Variants in ITLN2 observed in about 807,000 individuals in gnomAD.
ITLN2 encodes the protein intelectin 2.
Under a neutral mutation model 39.4 loss-of-function variants are expected in ITLN2, and 29 were observed. The ratio of observed to expected loss-of-function variants is 0.74; its 90% confidence interval spans 0.55 to 1.00. ITLN2 has a LOEUF of 1.00. ITLN2 is among the 50% of genes least tolerant of loss of function. The probability of loss-of-function intolerance (pLI) is 0.00; values close to 1 mark genes in which losing one functional copy is unlikely to be tolerated. For missense variants in ITLN2, 412 were observed against 416.7 expected (o/e 0.99, Z 0.10); for synonymous variants, 156 against 153.4 (o/e 1.02, Z -0.12).
chr1:160,951,844 G>A (rs1419518865), intron 3 of ITLN2, among the ~76,000 whole-genome samples: 3 of 152,204 alleles, frequency 2.0e-5, no homozygotes, highest in Non-Finnish European at 4.4e-5. Context: ...ACCTTGTGAG[G>A]AGCTGCAACA....
rs552609716 is a variant in ITLN2, at chr1:160,948,162, G to A, written c.722-130C>T. The stretch of plus-strand genomic sequence containing the variant: ...CAGCCAAACACCCCAGGCTGTAGGG[G>A]TGCAGCCCAGTACCTTTATGGCCAG... On this transcript the variant is annotated intron_variant, in intron 6 of 7. Coordinates refer to ENST00000368029, the MANE Select transcript of ITLN2 (RefSeq NM_080878.3). The A allele has an allele frequency of 3.5e-4, 236 of 674,204 alleles. 2 individuals carry two copies. The South Asian group carries it at 4.0e-3, about 11-fold the overall frequency. The allele number at this position is 674,204 out of a possible 1,614,324, so 41.8% of individuals were successfully genotyped here. A position where few individuals can be genotyped will look rare whatever the true frequency, so the allele number is the denominator to read the frequency against.
chr1:160,951,837 T>C, intron 3 of ITLN2, among the ~76,000 whole-genome samples: 1 of 152,212 alleles, frequency 6.6e-6, no homozygotes, highest in East Asian at 1.9e-4. Context: ...GATGGGAACC[T>C]TGTGAGGAGC....
At chr1:160,948,473 G>T (rs1223140671) in intron 6 of ITLN2, among the ~76,000 whole-genome samples, 2 of 152,116 alleles carry the variant, frequency 1.3e-5, no homozygotes, top group Non-Finnish European at 2.9e-5. Context: ...GGCAAACAGT[G>T]ATGTCTTTGA....
chr1:160,952,961 C>T lies in ITLN2; in HGVS notation c.80-228G>A, dbSNP rs4596920. 0.26 allele frequency among the ~76,000 whole-genome samples: 40,232 copies of T among 152,090 alleles called. 6,371 individuals carry two copies. Among genetic ancestry groups the T allele is most frequent in the East Asian group, 0.37 (1,921 of 5,164 alleles). ...CCTACTGTGTGAACTACCTAGACAC[C>T]GGACAAAGACAATTTGACACATTTC... On this transcript the variant is annotated intron_variant, in intron 2 of 7. Coordinates refer to ENST00000368029, the MANE Select transcript of ITLN2 (RefSeq NM_080878.3).
At chr1:160,950,792 G>A (rs945613835) in intron 4 of ITLN2, 81 bp from the exon 5 acceptor site, 3 of 1,550,400 alleles carry the variant, frequency 1.9e-6, no homozygotes, top group Non-Finnish European at 8.7e-7. Context: ...CCTCAGCTGG[G>A]CTGAGAGCTC....
At chr1:160,949,509 G>C (rs936735622) in intron 6 of ITLN2, 1 of 160,032 alleles carries the variant, frequency 6.2e-6, no homozygotes, top group Non-Finnish European at 1.3e-5. Flanking sequence ...AGTGTATTGT[G>C]TCCCTGGGTA....
Position 160,950,565 on chromosome 1 carries a change from A to T in ITLN2, c.588T>A (p.Phe196Leu), listed in dbSNP as rs1293285377. The change falls in exon 5 of 8, where the codon TTT (phenylalanine) becomes TTA (leucine). Residue 196 changes from phenylalanine (F) to leucine (L), a missense_variant. Physicochemically the swap from Phe to Leu is conservative, Grantham distance 22. Coordinates refer to ENST00000368029, the MANE Select transcript of ITLN2 (RefSeq NM_080878.3). ...GFLQRLGHNL[F>L]GIYQKYPVKY... ...CAGCCCTGTGTACCTGGTAGATGCC[A>T]AACAGATTATGTCCCAGTCTCTGGA... 6.2e-7 allele frequency: 1 copy of T among 1,614,052 alleles called. No individual in the cohort carries two copies. The highest frequency in any genetic ancestry group is 1.7e-5 in the Admixed American group (1 of 60,012).
chr1:160,953,527 T>C (rs1043677869), intron 2 of ITLN2, among the ~76,000 whole-genome samples: 1 of 152,034 alleles, frequency 6.6e-6, no homozygotes, highest in Admixed American at 6.6e-5. Context: ...CTGGTCAATA[T>C]GGTGAAACCC....
In ITLN2 at chr1:160,945,025, T is replaced by C; in HGVS notation, c.*115A>G. 2 of 826,166 alleles carry C rather than the reference T, an allele frequency of 2.4e-6. No individual in the cohort carries two copies. Among genetic ancestry groups the C allele is most frequent in the East Asian group, 6.0e-5 (2 of 33,342 alleles). The allele number at this position is 826,166 out of a possible 1,614,324, so 51.2% of individuals were successfully genotyped here. On this transcript the variant is annotated 3_prime_UTR_variant, in exon 8 of 8. Transcript: ENST00000368029. Reference sequence around the variant, plus strand: ...AAAAAGAATTCAAAGAAACATAGAGTTGCAAATTGATGTGATTTAGTCTCC... The same window carrying C: ...AAAAAGAATTCAAAGAAACATAGAGCTGCAAATTGATGTGATTTAGTCTCC...
In ITLN2 at chr1:160,950,163, A is replaced by G. The variant is rs748478767; in HGVS notation, c.604T>C (p.Tyr202His). The G allele has an allele frequency of 6.2e-7, 1 of 1,613,798 alleles. No homozygotes were observed. The highest frequency in any genetic ancestry group is 1.1e-5 in the South Asian group (1 of 91,076). The part of the protein sequence containing the change: ...GHNLFGIYQK[Y>H]PVKYRSGKCW... ...TTCCCTGATCTGTATTTCACTGGGT[A>G]TTTCTGCAGAGACCCAGAAGAAAGG... is the stretch of plus-strand genomic sequence containing the variant. The change falls in exon 6 of 8, where the codon TAC (tyrosine) becomes CAC (histidine). Residue 202 changes from tyrosine to histidine, a missense_variant. Tyr to His is a moderately conservative substitution (Grantham distance 83, BLOSUM62 2). Transcript: ENST00000368029.
At chr1:160,949,164 G>C (rs539921294) in intron 6 of ITLN2, 5 of 150,724 alleles carry the variant, frequency 3.3e-5, no homozygotes, top group African/African-American at 1.2e-4. Context: ...TAAACATCTC[G>C]GTGCATTAAA....
intron 6 of ITLN2, chr1:160,949,508 T>C (rs995024735): frequency 6.3e-6 from 1 of 159,590 alleles, no homozygotes; most frequent in Admixed American, 6.4e-5. Context: ...CAGTGTATTG[T>C]GTCCCTGGGT....
chr1:160,954,610 C>A, intron 1 of ITLN2, 117 bp downstream of exon 1: 1 of 1,330,264 alleles, frequency 7.5e-7, no homozygotes, highest in Non-Finnish European at 1.1e-6. Flanking sequence ...GGCTGTCCAA[C>A]ACTACAAATA....
Position 160,948,034 on chromosome 1 carries a change from T to A in ITLN2, c.722-2A>T, listed in dbSNP as rs1321112235. ...GAACGAATCCTGCAACAAATTCCCCTGAAAAAGAAGAGGTGAAGAAACAGC... is the reference window on the plus strand; with the variant it reads ...GAACGAATCCTGCAACAAATTCCCCAGAAAAAGAAGAGGTGAAGAAACAGC... On this transcript the variant is annotated splice_acceptor_variant, in intron 6 of 7. Coordinates refer to ENST00000368029, the MANE Select transcript of ITLN2 (RefSeq NM_080878.3). LOFTEE classifies it high-confidence loss of function. The A allele has an allele frequency of 1.2e-6, 2 of 1,612,584 alleles. No individual in the cohort carries two copies. The highest frequency in any genetic ancestry group is 2.2e-5 in the East Asian group (1 of 44,874).
At chr1:160,947,778 A>G in intron 7 of ITLN2, 151 bp downstream of exon 7, 1 of 593,988 alleles carries the variant, frequency 1.7e-6, no homozygotes, top group Non-Finnish European at 3.0e-6. Context: ...CTAAAGTTAC[A>G]GGTTAACAGC....
At chr1:160,951,859 C>T (rs1671753733) in intron 3 of ITLN2, among the ~76,000 whole-genome samples, 1 of 152,218 alleles carries the variant, frequency 6.6e-6, no homozygotes, top group African/African-American at 2.4e-5. Flanking sequence ...GCAACAAGGT[C>T]ACTTCTCACC....
At chr1:160,950,842 C>T in intron 4 of ITLN2, 131 bp from the exon 5 acceptor site, 5 of 1,466,416 alleles carry the variant, frequency 3.4e-6, no homozygotes, top group Non-Finnish European at 4.6e-6. Context: ...CTCAGACACC[C>T]CACTCCCAGC....
intron 3 of ITLN2, 115 bp from the exon 4 acceptor site, chr1:160,951,405 A>G (rs1010724053): frequency 4.4e-6 from 6 of 1,358,056 alleles, no homozygotes; most frequent in Admixed American, 2.5e-5. Context: ...TCCAACACAT[A>G]CTTGCTGGAA....
chr1:160,952,842 AG>A, intron 2 of ITLN2, 109 bp from the exon 3 acceptor site: 1 of 766,546 alleles, frequency 1.3e-6, no homozygotes, highest in Admixed American at 2.2e-5. Flanking sequence ...AAGTCCCAGG[AG>A]GTCAGGGATT....
Sources: gnomAD v4.1 joint callset for allele counts (sites outside exome capture counted in the v4.1 genomes callset) on GRCh38, gnomAD v4.1.1 for gene constraint, MANE v1.5 for transcripts, NCBI Gene and HGNC (gene_info 2026-07-23, HGNC 2026-07-21) for gene names.